FBXO7: variants seen among roughly 807,000 people sequenced by gnomAD.
FBXO7 encodes F-box protein 7.
A neutral mutation model predicts 50.2 loss-of-function variants in FBXO7; 31 were observed. The ratio of observed to expected loss-of-function variants is 0.62; its 90% CI spans 0.46 to 0.83. The LOEUF is 0.83. FBXO7 is among the 40% of genes least tolerant of loss of function. The pLI is 0.00. For missense variants in FBXO7, 667 were observed against 646.6 expected, an observed-to-expected ratio of 1.03 and a Z score of -0.34; for synonymous variants, 256 against 253.1, an observed-to-expected ratio of 1.01 and a Z score of -0.11.
intron 1 of FBXO7, chr22:32,475,448 G>A: frequency 1.2e-6 from 2 of 1,604,838 alleles, no homozygotes; most frequent in Non-Finnish European, 1.7e-6. Flanking sequence ...GGAGAGGAGG[G>A]AACGCACAAT....
rs143304830 is a variant in FBXO7, at chr22:32,494,250, T to C, written c.1144+969T>C. On this transcript the variant is annotated intron_variant, in intron 7 of 8. Transcript: ENST00000266087. ...CTTCTTTGATTCCTGAGGTCCTCTT[T>C]CTGCTTTATTTATGCCCCTGAATTT... Among the ~76,000 whole-genome samples the C allele has an allele frequency of 2.7e-3, 404 of 152,344 alleles. 2 individuals carry two copies. Among genetic ancestry groups the C allele is most frequent in the African/African-American group, 9.5e-3 (394 of 41,588 alleles).
chr22:32,476,273 T>C (rs2057428343), intron 1 of FBXO7, among the ~76,000 whole-genome samples: 1 of 152,180 alleles, frequency 6.6e-6, no homozygotes, highest in South Asian at 2.1e-4. Flanking sequence ...ACATGCCTAC[T>C]GTTATTTCTT....
At position 32,495,361 on chromosome 22, in the gene FBXO7, A is replaced by G. The variant is rs1601518142; in HGVS notation, c.1145-132A>G. On this transcript the variant is annotated intron_variant, in intron 7 of 8. Transcript: ENST00000266087. ...AAATGATATAGTGTGTGTTATATAAATGGTTAGTTTTTTTTTTTTTTTATG... is the reference window on the plus strand; with the variant it reads ...AAATGATATAGTGTGTGTTATATAAGTGGTTAGTTTTTTTTTTTTTTTATG... The G allele has an allele frequency of 6.6e-6, 4 of 607,520 alleles. No homozygotes were observed. The East Asian group carries it at 1.1e-4, about 17-fold the overall frequency. The allele number at this position is 607,520 out of a possible 1,614,324, so 37.6% of individuals were successfully genotyped here. A position where few individuals can be genotyped will look rare whatever the true frequency, so the allele number is the denominator to read the frequency against.
intron 1 of FBXO7, chr22:32,475,335 T>G (rs1318755417): frequency 5.6e-6 from 9 of 1,607,170 alleles, no homozygotes; most frequent in Non-Finnish European, 7.6e-6. Flanking sequence ...GCGCGGGTGG[T>G]CGGCTGGGGT....
rs73884927 is a variant in FBXO7, at chr22:32,484,200, G to A, written c.645+76G>A. Reference sequence around the variant, plus strand: ...GATGGTTCCTGCTCTCAAGTTGCCCGTAGTCTGAGAGTGGCAGAGAGAGAC... The same window carrying A: ...GATGGTTCCTGCTCTCAAGTTGCCCATAGTCTGAGAGTGGCAGAGAGAGAC... On this transcript the variant is annotated intron_variant, in intron 3 of 8. Coordinates refer to ENST00000266087, the MANE Select transcript of FBXO7 (RefSeq NM_012179.4). 8,712 of 1,331,564 alleles carry A rather than the reference G, an allele frequency of 6.5e-3. 441 individuals are homozygous for A. The African/African-American group carries it at 0.11, about 17-fold the overall frequency. 82.5% of individuals were successfully genotyped at this position (1,331,564 alleles called of 1,614,324 possible).
chr22:32,474,908 G>A lies in FBXO7; in HGVS notation c.-95G>A. 1.6e-6 allele frequency: 2 copies of A among 1,273,564 alleles called. No individual in the cohort carries two copies. Among genetic ancestry groups the A allele is most frequent in the Non-Finnish European group, 1.1e-6 (1 of 947,532 alleles). 78.9% of individuals were successfully genotyped at this position (1,273,564 alleles called of 1,614,324 possible). On this transcript the variant is annotated 5_prime_UTR_variant, in exon 1 of 9. Transcript: ENST00000266087. ...CCTCAGCTCCGGTAGTCGCCAGTCC[G>A]GGGTCGTCGCCGTTTGGGGCGGGAG... is the stretch of plus-strand genomic sequence containing the variant.
chr22:32,483,819 A>T, intron 2 of FBXO7, 78 bp from the exon 3 acceptor site: 1 of 1,276,692 alleles, frequency 7.8e-7, no homozygotes, highest in Non-Finnish European at 1.1e-6. Flanking sequence ...TTCAGCACTT[A>T]GTTCACTTTA....
At position 32,475,024 on chromosome 22, in the gene FBXO7, C is replaced by T. The variant is rs781727321; in HGVS notation, c.22C>T (p.Leu8=). Residue 8 remains leucine (L), a synonymous_variant, in exon 1 of 9, where the codon CTG becomes TTG. Coordinates refer to ENST00000266087, the MANE Select transcript of FBXO7 (RefSeq NM_012179.4). The part of the protein sequence containing the change: MRLRVRL[L]KRTWPLEVPE... ...CGTCATGAGGCTGCGGGTGCGGCTT[C>T]TGAAGCGGACCTGGCCGCTGGAGGT... is the stretch of plus-strand genomic sequence containing the variant. The T allele has an allele frequency of 1.3e-6, 2 of 1,540,420 alleles. No individual in the cohort carries two copies. The highest frequency in any genetic ancestry group is 1.2e-5 in the South Asian group (1 of 83,610).
chr22:32,475,201 T>A, intron 1 of FBXO7, 77 bp downstream of exon 1: 1 of 1,513,122 alleles, frequency 6.6e-7, no homozygotes. Context: ...GTTGGCGTCA[T>A]CTGTGGGCTG....
rs1347913464 is a variant in FBXO7, at chr22:32,498,489, A to T, written c.1528A>T (p.Ser510Cys). 8 of 1,613,980 alleles carry T rather than the reference A, an allele frequency of 5.0e-6. No homozygotes were observed. Among genetic ancestry groups the T allele is most frequent in the African/African-American group, 1.3e-5 (1 of 74,926 alleles). ...CAATGACAGATTTCCCTTTAGACCC[A>T]GCAGGGGTCGGCCAACTGATGGCCG... Reference protein sequence around the residue: ...GPNDRFPFRPSRGRPTDGRLS... With the variant: ...GPNDRFPFRPCRGRPTDGRLS... The change falls in exon 9 of 9, where the codon AGC becomes TGC. Residue 510 changes from serine to cysteine, a missense_variant. By Grantham distance (112) the Ser-to-Cys change is moderately radical. Coordinates refer to ENST00000266087, the MANE Select transcript of FBXO7 (RefSeq NM_012179.4).
intron 7 of FBXO7, among the ~76,000 whole-genome samples, chr22:32,494,510 T>TTTTG (rs869306329): frequency 3.9e-5 from 6 of 152,074 alleles, no homozygotes; most frequent in African/African-American, 9.6e-5. Flanking sequence ...CCTGGCCAAT[T>TTTTG]TTTGTTTGTT....
rs78489314 is a variant in FBXO7, at chr22:32,476,919, T to C, written c.122+1795T>C. ...CTTTTTCTAAAGTGGGAGGAAGAGC[T>C]GGTATATTTATTAAGCGGACCATGA... On this transcript the variant is annotated intron_variant, in intron 1 of 8. Transcript: ENST00000266087. 1.0e-2 allele frequency among the ~76,000 whole-genome samples: 1,523 copies of C among 152,306 alleles called. 15 individuals carry two copies. Among genetic ancestry groups the C allele is most frequent in the African/African-American group, 0.035 (1,445 of 41,550 alleles).
chr22:32,490,716 AC>A (rs1464497697), intron 5 of FBXO7: 1 of 142,258 alleles, frequency 7.0e-6, no homozygotes, highest in African/African-American at 3.9e-5. Context: ...CTATTAATTT[AC>A]CAGGTTCTAA....
Position 32,482,680 on chromosome 22 carries a change from A to G in FBXO7, c.418-1217A>G, listed in dbSNP as rs752663909. On this transcript the variant is annotated intron_variant, in intron 2 of 8. Coordinates refer to ENST00000266087, the MANE Select transcript of FBXO7 (RefSeq NM_012179.4). ...ATACCTGCCATGCCTATTTTATAGG[A>G]TTGTTATAAAGTGCAAATAAGAAAA... 1.7e-4 allele frequency among the ~76,000 whole-genome samples: 26 copies of G among 152,350 alleles called. 2 individuals are homozygous for G. The highest frequency in any genetic ancestry group is 3.3e-4 in the Admixed American group (5 of 15,306).
intron 2 of FBXO7, 126 bp downstream of exon 2, chr22:32,479,401 CTT>C (rs5845002): frequency 0.04 from 22,604 of 562,464 alleles, 1 homozygote; most frequent in East Asian, 0.1. Flanking sequence ...ATATTTTTTT[CTT>C]TTTTTTTTTT....
intron 8 of FBXO7, among the ~76,000 whole-genome samples, chr22:32,497,808 C>T (rs528569431): frequency 7.3e-4 from 111 of 152,358 alleles, no homozygotes; most frequent in African/African-American, 2.6e-3. Context: ...TCAGCAGCAA[C>T]GAACATGGAG....
chr22:32,483,595 A>G lies in FBXO7; in HGVS notation c.418-302A>G, dbSNP rs147070475. Among the ~76,000 whole-genome samples the G allele has an allele frequency of 2.0e-5, 3 of 152,272 alleles. No individual in the cohort carries two copies. The East Asian group carries it at 5.8e-4, about 29-fold the overall frequency. On this transcript the variant is annotated intron_variant, in intron 2 of 8. Coordinates refer to ENST00000266087, the MANE Select transcript of FBXO7 (RefSeq NM_012179.4). ...GGGGCAAATTTTAGACATATTTAGGAGTTAGTTTCAGGGAACTTTGAAGAC... is the reference window on the plus strand; with the variant it reads ...GGGGCAAATTTTAGACATATTTAGGGGTTAGTTTCAGGGAACTTTGAAGAC...
chr22:32,496,803 T>TA (rs1191832607), intron 8 of FBXO7, among the ~76,000 whole-genome samples: 1 of 152,208 alleles, frequency 6.6e-6, no homozygotes, highest in African/African-American at 2.4e-5. Context: ...ATTTAAGAAA[T>TA]ACATTTTGTC....
At chr22:32,482,826 G>A (rs955375160) in intron 2 of FBXO7, among the ~76,000 whole-genome samples, 7 of 152,226 alleles carry the variant, frequency 4.6e-5, no homozygotes, top group Admixed American at 1.3e-4. Flanking sequence ...TGGGTGACAT[G>A]TAGTCTGGTT....
Sources: gnomAD v4.1 joint callset for allele counts (sites outside exome capture counted in the v4.1 genomes callset) on GRCh38, gnomAD v4.1.1 for gene constraint, MANE v1.5 for transcripts, NCBI Gene and HGNC (gene_info 2026-07-23, HGNC 2026-07-21) for gene names.